The following CTNNA3 variants were observed in gnomAD, a reference collection of about 807,000 sequenced individuals.
The protein encoded by CTNNA3 is catenin alpha-3.
A neutral mutation model predicts 95.7 loss-of-function variants in CTNNA3; 76 were observed. That is an observed-to-expected ratio of 0.79 (90% CI 0.66 to 0.96). The LOEUF is 0.96. Ranked by LOEUF, CTNNA3 falls within the 40% of genes least tolerant of loss-of-function variation. The pLI, the probability that CTNNA3 is intolerant of heterozygous loss-of-function variation, is 0.00. For missense variants in CTNNA3, 1,191 were observed against 1,089.8 expected (o/e 1.09, Z -1.31); for synonymous variants, 431 against 374.4 (o/e 1.15, Z -1.74).
chr10:67,746,422 A>G (rs1254510216), intron 1 of CTNNA3, among the ~76,000 whole-genome samples: 1 of 152,132 alleles, frequency 6.6e-6, no homozygotes. Flanking sequence ...GCTAACTAGA[A>G]ACAGCTACAG....
chr10:67,609,029 G>T (rs1174416718), intron 2 of CTNNA3, among the ~76,000 whole-genome samples: 1 of 150,102 alleles, frequency 6.7e-6, no homozygotes, highest in African/African-American at 2.5e-5. Context: ...GGCAGAGGTT[G>T]CGGTGAGCCG....
chr10:66,195,604 T>C (rs1410798689), intron 13 of CTNNA3, among the ~76,000 whole-genome samples: 2 of 152,192 alleles, frequency 1.3e-5, no homozygotes, highest in African/African-American at 4.8e-5. Flanking sequence ...TCCAGGAGTT[T>C]CCACATGAGA....
At chr10:67,704,306 C>G (rs11818547) in intron 1 of CTNNA3, among the ~76,000 whole-genome samples, 19,350 of 152,120 alleles carry the variant, frequency 0.13, 1,861 homozygotes, top group African/African-American at 0.28. Flanking sequence ...CAAAAAAGAG[C>G]CCGCATCACC....
Position 66,978,536 on chromosome 10 carries a change from A to ATAAAATAAAATAAAAATAAAAAAAAT in CTNNA3, c.1047+201780_1047+201781insATTTTTTTTATTTTTATTTTATTTTA, listed in dbSNP as rs1429128054. Among the ~76,000 whole-genome samples, 46 of 94,380 alleles carry ATAAAATAAAATAAAAATAAAAAAAAT rather than the reference A, an allele frequency of 4.9e-4. 2 individuals are homozygous for ATAAAATAAAATAAAAATAAAAAAAAT. Among genetic ancestry groups the ATAAAATAAAATAAAAATAAAAAAAAT allele is most frequent in the Non-Finnish European group, 5.0e-4 (23 of 45,896 alleles). 61.9% of individuals were successfully genotyped at this position (94,380 alleles called of 152,430 possible). On this transcript the variant is annotated intron_variant, in intron 7 of 17. Coordinates refer to ENST00000433211, the MANE Select transcript of CTNNA3 (RefSeq NM_013266.4). The stretch of plus-strand genomic sequence containing the variant: ...AGTGAGACTCCATCTCAAAAAAAAA[A>ATAAAATAAAATAAAAATAAAAAAAAT]AAAAAAAAAAAAAAAAATATATATA...
chr10:66,096,262 A>T (rs1403729136), intron 14 of CTNNA3, among the ~76,000 whole-genome samples: 1 of 152,088 alleles, frequency 6.6e-6, no homozygotes, highest in African/African-American at 2.4e-5. Flanking sequence ...TGTGAGACAG[A>T]ACAAAACCTT....
chr10:66,866,088 T>C (rs1421503362), intron 7 of CTNNA3, among the ~76,000 whole-genome samples: 1 of 152,166 alleles, frequency 6.6e-6, no homozygotes. Flanking sequence ...CACCTAACAC[T>C]ACACCTTGAG....
At chr10:66,671,513 C>T (rs1197696812) in intron 9 of CTNNA3, among the ~76,000 whole-genome samples, 3 of 152,112 alleles carry the variant, frequency 2.0e-5, no homozygotes, top group African/African-American at 4.8e-5. Context: ...GGAATCAGAA[C>T]ATATTTGAAA....
intron 7 of CTNNA3, among the ~76,000 whole-genome samples, chr10:67,096,452 C>A (rs527342011): frequency 6.6e-6 from 1 of 151,954 alleles, no homozygotes; most frequent in African/African-American, 2.4e-5. Flanking sequence ...GGAAGTTAGT[C>A]TGATGTGCTC....
chr10:67,192,050 C>T (rs998012440), intron 6 of CTNNA3, among the ~76,000 whole-genome samples: 8 of 151,544 alleles, frequency 5.3e-5, no homozygotes, highest in African/African-American at 1.5e-4. Context: ...AAATAAAATT[C>T]GACCCTTATC....
chr10:66,127,855 T>A (rs1021754498), intron 13 of CTNNA3, among the ~76,000 whole-genome samples: 2 of 152,144 alleles, frequency 1.3e-5, no homozygotes, highest in African/African-American at 4.8e-5. Flanking sequence ...GGCGGGCGAA[T>A]CACGAGGTCA....
chr10:66,411,359 T>G (rs1236603995), intron 11 of CTNNA3, among the ~76,000 whole-genome samples: 3 of 152,254 alleles, frequency 2.0e-5, no homozygotes, highest in Non-Finnish European at 4.4e-5. Context: ...TATTTTGATT[T>G]TGTGTTTTTC....
chr10:67,314,142 C>A (rs1222493268), intron 5 of CTNNA3, among the ~76,000 whole-genome samples: 3 of 152,164 alleles, frequency 2.0e-5, no homozygotes, highest in Non-Finnish European at 2.9e-5. Context: ...TTAGTTCCTC[C>A]AAGTAGAGTT....
chr10:67,063,404 G>T (rs558110657), intron 7 of CTNNA3, among the ~76,000 whole-genome samples: 59 of 152,250 alleles, frequency 3.9e-4, no homozygotes, highest in African/African-American at 1.2e-3. Context: ...AAAGTTAGGG[G>T]TCTCAATCAG....
chr10:66,215,501 G>A (rs1338084716), intron 13 of CTNNA3, among the ~76,000 whole-genome samples: 4 of 152,026 alleles, frequency 2.6e-5, no homozygotes, highest in Non-Finnish European at 5.9e-5. Context: ...TCCATCTCTG[G>A]GAATTCTGGA....
At chr10:67,355,749 C>T (rs1191011847) in intron 5 of CTNNA3, among the ~76,000 whole-genome samples, 4 of 151,994 alleles carry the variant, frequency 2.6e-5, no homozygotes, top group African/African-American at 9.7e-5. Flanking sequence ...AAGCTATCAT[C>T]GTTTTCAAAC....
chr10:65,926,476 ATT>A (rs200139185), intron 17 of CTNNA3, among the ~76,000 whole-genome samples: 52 of 139,722 alleles, frequency 3.7e-4, no homozygotes, highest in African/African-American at 1.2e-3. Flanking sequence ...GAGTGTTCCA[ATT>A]TTTTTTTTTT....
chr10:66,199,796 TA>T, intron 13 of CTNNA3, among the ~76,000 whole-genome samples: 3 of 16,376 alleles, frequency 1.8e-4, no homozygotes, highest in African/African-American at 4.7e-4. Context: ...TATATATATA[TA>T]TATATATATT....
intron 6 of CTNNA3, among the ~76,000 whole-genome samples, chr10:67,185,655 C>T (rs1862803319): frequency 6.6e-6 from 1 of 152,060 alleles, no homozygotes; most frequent in Admixed American, 6.6e-5. Flanking sequence ...ATTTCATTTG[C>T]CACTTTTACC....
At chr10:66,212,933 G>T (rs543906103) in intron 13 of CTNNA3, among the ~76,000 whole-genome samples, 7 of 152,276 alleles carry the variant, frequency 4.6e-5, no homozygotes, top group African/African-American at 1.7e-4. Context: ...AACCTGGGAG[G>T]CAGAGGTTGG....
Sources: gnomAD v4.1 joint callset for allele counts (sites outside exome capture counted in the v4.1 genomes callset) on GRCh38, gnomAD v4.1.1 for gene constraint, MANE v1.5 for transcripts, NCBI Gene and HGNC (gene_info 2026-07-23, HGNC 2026-07-21) for gene names.